Variants in KIF15 observed in about 807,000 individuals in gnomAD.
KIF15 encodes the protein kinesin family member 15, also known as kinesin-like protein KIF15.
KIF15 carries 140 observed loss-of-function variants against 190.6 expected under a neutral mutation model. The observed-to-expected ratio is 0.73, with a 90% CI of 0.64 to 0.84. The LOEUF (loss-of-function observed/expected upper bound fraction) is 0.84, where lower values mean the gene tolerates loss of function less well. Among genes scored for constraint, KIF15 ranks in the 40% least tolerant of loss-of-function variants. The probability of loss-of-function intolerance (pLI) is 0.00; values close to 1 mark genes in which losing one functional copy is unlikely to be tolerated. For synonymous variants in KIF15, 528 were observed against 551.3 expected (o/e 0.96, Z 0.59); for missense variants, 1,372 against 1,584.4 (o/e 0.87, Z 2.28).
At chr3:44,836,168 G>A (rs964562489) in intron 26 of KIF15, among the ~76,000 whole-genome samples, 3 of 152,048 alleles carry the variant, frequency 2.0e-5, no homozygotes, top group Non-Finnish European at 2.9e-5. Flanking sequence ...CCAACATGAC[G>A]AAACCCCATC....
intron 16 of KIF15, 56 bp from the exon 17 acceptor site, chr3:44,810,790 A>T (rs1707747219): frequency 1.5e-6 from 2 of 1,376,352 alleles, no homozygotes; most frequent in Non-Finnish European, 2.0e-6. Context: ...CAAAATTATT[A>T]AATATGCCCT....
At position 44,812,179 on chromosome 3, in the gene KIF15, C is replaced by T. The variant is rs1332398087; in HGVS notation, c.2170-3C>T. 4.4e-6 allele frequency: 7 copies of T among 1,598,672 alleles called. No homozygotes were observed. The South Asian group carries it at 6.8e-5, about 16-fold the overall frequency. The stretch of plus-strand genomic sequence containing the variant: ...TTTGATGACTGAAGTTTTTGTGTTG[C>T]AGGAACAAATGAGTGCTCTTCAAGC... On this transcript the variant is annotated splice_region_variant and splice_polypyrimidine_tract_variant and intron_variant, in intron 17 of 34. Transcript: ENST00000326047.
At chr3:44,867,575 A>G (rs924450437) in intron 6 of KIF15, among the ~76,000 whole-genome samples, 3 of 152,228 alleles carry the variant, frequency 2.0e-5, no homozygotes, top group Non-Finnish European at 4.4e-5. Context: ...CCATCCAGAC[A>G]CTTGCTTAAT....
intron 7 of KIF15, among the ~76,000 whole-genome samples, chr3:44,793,586 A>G (rs1208413041): frequency 6.6e-6 from 1 of 152,172 alleles, no homozygotes; most frequent in East Asian, 1.9e-4. Flanking sequence ...ATGGACCAGT[A>G]ATCTTTCTCA....
rs546292313 is a variant in KIF15, at chr3:44,810,144, C to T, written c.1972-702C>T. Among the ~76,000 whole-genome samples the T allele has an allele frequency of 3.9e-5, 6 of 152,252 alleles. No homozygotes were observed. In the South Asian group the frequency reaches 1.2e-3, roughly 32 times the overall value. On this transcript the variant is annotated intron_variant, in intron 16 of 34. Coordinates refer to ENST00000326047, the MANE Select transcript of KIF15 (RefSeq NM_020242.3). The stretch of plus-strand genomic sequence containing the variant: ...ATTTGAATGTACATAAGCTAATGTA[C>T]TGTTTTAATATAATGTACTGTAATG...
chr3:44,799,126 A>G, intron 10 of KIF15: 1 of 386,314 alleles, frequency 2.6e-6, no homozygotes, highest in South Asian at 2.0e-5. Context: ...GGAGATATAG[A>G]ACTGCAGCAA....
At chr3:44,825,909 C>T (rs1400534986) in intron 20 of KIF15, 130 bp from the exon 21 acceptor site, 2 of 737,796 alleles carry the variant, frequency 2.7e-6, no homozygotes, top group Non-Finnish European at 4.3e-6. Flanking sequence ...CATAAGGAGC[C>T]TTATATCACT....
At chr3:44,841,650 A>C (rs542109599) in intron 29 of KIF15, among the ~76,000 whole-genome samples, 3 of 151,976 alleles carry the variant, frequency 2.0e-5, no homozygotes, top group Non-Finnish European at 4.4e-5. Flanking sequence ...CGCCTACCTC[A>C]GCCTCCCAAA....
chr3:44,828,396 A>G (rs1308338179), intron 24 of KIF15, 96 bp downstream of exon 24: 1 of 764,760 alleles, frequency 1.3e-6, no homozygotes, highest in African/African-American at 1.8e-5. Context: ...CTCCAGGGTG[A>G]CCAATAGATA....
chr3:44,851,769 G>A lies in KIF15; in HGVS notation c.3807-18G>A, dbSNP rs188368422. 8.8e-6 allele frequency: 14 copies of A among 1,594,196 alleles called. No homozygotes were observed. In the East Asian group the frequency reaches 2.9e-4, roughly 33 times the overall value. ...ATGTTTCTTTCAAATACTATAAAGTGATAACCTATTCCTACAGCCTAGAAG... is the reference window on the plus strand; with the variant it reads ...ATGTTTCTTTCAAATACTATAAAGTAATAACCTATTCCTACAGCCTAGAAG... On this transcript the variant is annotated intron_variant, in intron 32 of 34. Transcript: ENST00000326047.
rs1707343552 is a variant in KIF15, at chr3:44,802,901, G to C, written c.1597G>C (p.Val533Leu). 6.2e-7 allele frequency: 1 copy of C among 1,612,696 alleles called. No homozygotes were observed. Among genetic ancestry groups the C allele is most frequent in the Non-Finnish European group, 8.5e-7 (1 of 1,179,710 alleles). ...ENRRLRLLEP[V>L]KRAQEMDAQT... ...TAGAAGACTGAGATTATTAGAGCCTGTGAAAAGAGCTCAAGAAATGGATGC... is the reference window on the plus strand; with the variant it reads ...TAGAAGACTGAGATTATTAGAGCCTCTGAAAAGAGCTCAAGAAATGGATGC... The change falls in exon 14 of 35, where the codon GTG (valine) becomes CTG (leucine). Residue 533 changes from valine (V) to leucine (L), a missense_variant. By Grantham distance (32) the Val-to-Leu change is conservative. Transcript: ENST00000326047.
rs184575710 is a variant in KIF15, at chr3:44,775,292, G to A, written c.101G>A (p.Arg34His). Residue 34 changes from arginine (R) to histidine (H), a missense_variant, in exon 3 of 35, where the codon CGT becomes CAT. Coordinates refer to ENST00000326047, the MANE Select transcript of KIF15 (RefSeq NM_020242.3). ...GDAIKVFVRI[R>H]PPAERSGSAD... ...GCCATCAAAGTTTTTGTGCGAATTC[G>A]TCCTCCTGCAGAAAGATCTGGGTCA... The A allele has an allele frequency of 1.4e-5, 22 of 1,613,420 alleles. No homozygotes were observed. Among genetic ancestry groups the A allele is most frequent in the East Asian group, 4.5e-5 (2 of 44,848 alleles).
In KIF15 at chr3:44,814,927, ACATGACCTGCGAGTAGTCCTT is replaced by A; in HGVS notation, c.2404_2424del (p.Asp802_His808del). ...GTTTTTTAGTTTTGAAAAGTGAGGT[ACATGACCTGCGAGTAGTCCTT>A]CATTCTGCTGACAAGGAGCTTTCTT... On this transcript the variant is annotated inframe_deletion, in exon 20 of 35. Transcript: ENST00000326047. The A allele has an allele frequency of 1.9e-6, 3 of 1,602,476 alleles. No individual in the cohort carries two copies. The highest frequency in any genetic ancestry group is 2.5e-6 in the Non-Finnish European group (3 of 1,176,756).
In KIF15 at chr3:44,841,022, C is replaced by T. The variant is rs958952177; in HGVS notation, c.3421-52C>T. The T allele has an allele frequency of 5.4e-6, 8 of 1,473,982 alleles. No homozygotes were observed. The African/African-American group carries it at 1.1e-4, about 21-fold the overall frequency. 91.3% of individuals were successfully genotyped at this position (1,473,982 alleles called of 1,614,324 possible). A position where few individuals can be genotyped will look rare whatever the true frequency, so the allele number is the denominator to read the frequency against. ...CTTGACATTTACGTTTAAAAGAAAT[C>T]TTTATAATATCACTTAATTGGATAT... On this transcript the variant is annotated intron_variant, in intron 28 of 34. Coordinates refer to ENST00000326047, the MANE Select transcript of KIF15 (RefSeq NM_020242.3).
intron 29 of KIF15, 66 bp downstream of exon 29, chr3:44,841,304 C>A (rs1478245860): frequency 7.5e-7 from 1 of 1,329,416 alleles, no homozygotes; most frequent in East Asian, 2.4e-5. Flanking sequence ...CTATGTTGCC[C>A]AGGCTGGGCT....
chr3:44,815,952 G>GT, intron 20 of KIF15, among the ~76,000 whole-genome samples: 1 of 152,054 alleles, frequency 6.6e-6, no homozygotes, highest in Admixed American at 6.6e-5. Context: ...GCTGTTGAGT[G>GT]TTTTTTGGAT....
intron 26 of KIF15, among the ~76,000 whole-genome samples, chr3:44,837,305 G>A (rs969520414): frequency 1.3e-5 from 2 of 152,100 alleles, no homozygotes; most frequent in East Asian, 3.8e-4. Context: ...GTAATACATA[G>A]CCTTATATTT....
At chr3:44,785,429 A>T (rs894804364) in intron 6 of KIF15, among the ~76,000 whole-genome samples, 3 of 152,160 alleles carry the variant, frequency 2.0e-5, no homozygotes, top group African/African-American at 7.2e-5. Context: ...TGTGCTCCAC[A>T]TGTGGTATGG....
chr3:44,789,691 T>TATAA (rs1200236750), intron 7 of KIF15, among the ~76,000 whole-genome samples: 15 of 109,776 alleles, frequency 1.4e-4, no homozygotes, highest in African/African-American at 4.8e-4. Context: ...TATATATATA[T>TATAA]AAAATAGATA....
Sources: allele counts gnomAD v4.1 joint callset (sites outside exome capture counted in the v4.1 genomes callset), GRCh38; gene constraint gnomAD v4.1.1; transcripts MANE v1.5; gene names NCBI Gene and HGNC (gene_info 2026-07-23, HGNC 2026-07-21).